PMF1: variants seen among roughly 807,000 people sequenced by gnomAD.
The protein encoded by PMF1 is polyamine modulated factor 1, also known as polyamine-modulated factor 1.
Under a neutral mutation model 26.7 loss-of-function variants are expected in PMF1, and 21 were observed. The observed-to-expected ratio is 0.79, with a 90% CI of 0.56 to 1.13. The LOEUF is 1.13. Ranked by LOEUF, PMF1 falls within the 50% of genes most tolerant of loss-of-function variation. The pLI is 0.00. For missense variants in PMF1, 266 were observed against 254.9 expected (o/e 1.04, Z -0.30); for synonymous variants, 105 against 101.0 (o/e 1.04, Z -0.24).
chr1:156,234,074 C>G (rs2103123684), intron 3 of PMF1, among the ~76,000 whole-genome samples: 1 of 152,260 alleles, frequency 6.6e-6, no homozygotes, highest in South Asian at 2.1e-4. Context: ...GAGACCCTGT[C>G]TCTAAAAAAA....
At chr1:156,222,359 A>G (rs1658130120) in intron 1 of PMF1, among the ~76,000 whole-genome samples, 1 of 151,820 alleles carries the variant, frequency 6.6e-6, no homozygotes, top group Admixed American at 6.6e-5. Flanking sequence ...AAAGGGCTCA[A>G]TAAGTGTCAT....
Position 156,239,593 on chromosome 1 carries a change from C to T in PMF1, c.610C>T (p.Pro204Ser), listed in dbSNP as rs765580235. The part of the protein sequence containing the change: ...QRELVAVLRE[P>S]E ...GGAGCTGGTTGCTGTGCTGAGGGAG[C>T]CTGAGTGAGGAGACCGCCAGCCCCA... Residue 204 changes from proline (P) to serine (S), a missense_variant, in exon 5 of 5, where the codon CCT becomes TCT. Transcript: ENST00000368277. 12 of 1,612,194 alleles carry T rather than the reference C, an allele frequency of 7.4e-6. No individual in the cohort carries two copies. The Admixed American group carries it at 2.0e-4, about 27-fold the overall frequency.
chr1:156,215,674 G>A (rs1245155026), intron 1 of PMF1, among the ~76,000 whole-genome samples: 3 of 152,076 alleles, frequency 2.0e-5, no homozygotes, highest in Non-Finnish European at 4.4e-5. Flanking sequence ...TTACAGGCAT[G>A]AGCCACAGTG....
chr1:156,219,694 T>C (rs1436482005), intron 1 of PMF1, among the ~76,000 whole-genome samples: 1 of 151,952 alleles, frequency 6.6e-6, no homozygotes, highest in Non-Finnish European at 1.5e-5. Context: ...CAAGTGATCC[T>C]CCCATCATAG....
intron 1 of PMF1, among the ~76,000 whole-genome samples, chr1:156,231,132 G>T (rs1340244291): frequency 2.7e-5 from 4 of 146,698 alleles, no homozygotes; most frequent in Admixed American, 7.1e-5. Context: ...CAGGAGAATG[G>T]TGTGAACGCG....
At chr1:156,213,267 A>G (rs1221514318) in intron 1 of PMF1, 91 bp downstream of exon 1, 3 of 1,545,720 alleles carry the variant, frequency 1.9e-6, no homozygotes. Context: ...GCGCGCGGTG[A>G]CGTGGGTCCG....
intron 1 of PMF1, among the ~76,000 whole-genome samples, chr1:156,229,576 G>T (rs952022413): frequency 3.4e-5 from 5 of 147,118 alleles, no homozygotes; most frequent in African/African-American, 1.0e-4. Context: ...TTTTGTTTTT[G>T]TTTTTTTTTT....
chr1:156,237,108 A>G (rs1659063691), intron 4 of PMF1: 1 of 153,010 alleles, frequency 6.5e-6, no homozygotes, highest in Non-Finnish European at 1.5e-5. Context: ...TTGTTCTGAG[A>G]TGGGGGTCTC....
intron 3 of PMF1, among the ~76,000 whole-genome samples, chr1:156,234,373 G>A (rs1013109544): frequency 2.0e-5 from 3 of 152,028 alleles, no homozygotes; most frequent in South Asian, 2.1e-4. Flanking sequence ...GGGGGAGTGG[G>A]AGGAGGCAGA....
At chr1:156,226,418 C>A (rs1489644436) in intron 1 of PMF1, among the ~76,000 whole-genome samples, 2 of 152,230 alleles carry the variant, frequency 1.3e-5, no homozygotes, top group African/African-American at 4.8e-5. Context: ...CAAATCCTGA[C>A]AGCTGGTTCT....
At chr1:156,227,642 G>A (rs1389810517) in intron 1 of PMF1, among the ~76,000 whole-genome samples, 1 of 145,258 alleles carries the variant, frequency 6.9e-6, no homozygotes, top group Non-Finnish European at 1.5e-5. Flanking sequence ...GATTACAGGT[G>A]CCTACTACCA....
intron 1 of PMF1, among the ~76,000 whole-genome samples, chr1:156,231,322 G>C (rs1658694145): frequency 6.6e-6 from 1 of 152,038 alleles, no homozygotes; most frequent in Non-Finnish European, 1.5e-5. Flanking sequence ...CTTGAGCCCA[G>C]GAGTTGGAGT....
chr1:156,231,216 C>CAAAA (rs71080753), intron 1 of PMF1, among the ~76,000 whole-genome samples: 4 of 48,388 alleles, frequency 8.3e-5, no homozygotes, highest in African/African-American at 1.7e-4. Flanking sequence ...GACTCCATCT[C>CAAAA]AAAAAAAAAA....
chr1:156,235,362 G>A (rs1283196953), intron 3 of PMF1, among the ~76,000 whole-genome samples: 1 of 151,180 alleles, frequency 6.6e-6, no homozygotes, highest in Non-Finnish European at 1.5e-5. Context: ...GACCTCAGGT[G>A]ATCCACCTGC....
intron 1 of PMF1, among the ~76,000 whole-genome samples, chr1:156,217,344 A>G (rs1240966353): frequency 2.6e-5 from 4 of 151,992 alleles, no homozygotes; most frequent in African/African-American, 9.7e-5. Flanking sequence ...AAAATATGTT[A>G]TATTTTTGTC....
At chr1:156,219,989 A>G (rs61369726) in intron 1 of PMF1, among the ~76,000 whole-genome samples, 5,885 of 116,782 alleles carry the variant, frequency 0.05, 421 homozygotes, top group African/African-American at 0.18. Flanking sequence ...TTTGAGATGG[A>G]GTCTGGCTCT....
intron 1 of PMF1, chr1:156,225,431 T>A (rs1658313001): frequency 1.6e-6 from 1 of 612,034 alleles, no homozygotes. Context: ...CAGTATGTAG[T>A]CTTTTATCCC....
At chr1:156,233,296 G>A (rs186709070) in intron 2 of PMF1, among the ~76,000 whole-genome samples, 1 of 150,988 alleles carries the variant, frequency 6.6e-6, no homozygotes, top group African/African-American at 2.4e-5. Flanking sequence ...TGGGATGACA[G>A]CTGAGTGCCA....
intron 1 of PMF1, among the ~76,000 whole-genome samples, chr1:156,220,365 A>AT (rs1371905104): frequency 2.6e-5 from 4 of 151,750 alleles, no homozygotes; most frequent in Middle Eastern, 6.8e-3. Context: ...CACCTGGCCA[A>AT]TTTTTTAATA....
Sources: allele counts gnomAD v4.1 joint callset (sites outside exome capture counted in the v4.1 genomes callset), GRCh38; gene constraint gnomAD v4.1.1; transcripts MANE v1.5; gene names NCBI Gene and HGNC (gene_info 2026-07-23, HGNC 2026-07-21).